Variants in MYT1L observed in about 807,000 individuals in gnomAD.
MYT1L encodes myelin transcription factor 1-like protein.
MYT1L carries 12 observed loss-of-function variants against 126.7 expected under a neutral mutation model. The observed-to-expected ratio is 0.09, with a 90% CI of 0.06 to 0.15. The LOEUF (loss-of-function observed/expected upper bound fraction) is 0.15. Among genes scored for constraint, MYT1L ranks in the 10% least tolerant of loss-of-function variants. The pLI is 1.00. For missense variants in MYT1L, 979 were observed against 1,585.2 expected (o/e 0.62, Z 6.49); for synonymous variants, 541 against 604.2 (o/e 0.90, Z 1.53).
At chr2:2,061,621 G>A (rs1182236259) in intron 3 of MYT1L, among the ~76,000 whole-genome samples, 1 of 152,096 alleles carries the variant, frequency 6.6e-6, no homozygotes, top group Non-Finnish European at 1.5e-5. Flanking sequence ...TTCCAAAGAT[G>A]AAACGCGTAA....
chr2:1,839,089 G>C (rs563031350), intron 21 of MYT1L, 60 bp downstream of exon 21: 3 of 1,459,678 alleles, frequency 2.1e-6, no homozygotes, highest in Non-Finnish European at 2.8e-6. Context: ...ATAACCAGCC[G>C]TGCCAGTCGG....
At chr2:1,913,032 G>A (rs187701695) in intron 11 of MYT1L, among the ~76,000 whole-genome samples, 2 of 152,324 alleles carry the variant, frequency 1.3e-5, no homozygotes, top group Admixed American at 6.5e-5. Flanking sequence ...GGCTTTCCCT[G>A]ACAGCAAGGT....
intron 3 of MYT1L, among the ~76,000 whole-genome samples, chr2:2,131,905 CT>C (rs58810405): frequency 0.024 from 2,654 of 111,002 alleles, 35 homozygotes; most frequent in African/African-American, 0.083. Context: ...AGAGTTCATC[CT>C]TTTTTTTTTT....
intron 2 of MYT1L, among the ~76,000 whole-genome samples, chr2:2,190,885 A>AAGTG (rs1326848965): frequency 1.4e-4 from 21 of 152,188 alleles, no homozygotes; most frequent in African/African-American, 4.8e-4. Flanking sequence ...TCCCAGGTTC[A>AAGTG]AGTGATTCTC....
At chr2:2,317,109 G>A (rs1200429339) in intron 1 of MYT1L, among the ~76,000 whole-genome samples, 1 of 152,030 alleles carries the variant, frequency 6.6e-6, no homozygotes, top group African/African-American at 2.4e-5. Context: ...GAGCCACCAT[G>A]CCCGGCCAGT....
chr2:1,842,781 T>G (rs4073540), intron 19 of MYT1L: 75,558 of 154,486 alleles, frequency 0.49, 21,100 homozygotes, highest in African/African-American at 0.77. Flanking sequence ...AAAGCCCCAG[T>G]CCAGCAGACC....
At position 1,912,014 on chromosome 2, in the gene MYT1L, G is replaced by T; in HGVS notation, c.1709+6C>A. The T allele has an allele frequency of 6.3e-7, 1 of 1,590,614 alleles. No individual in the cohort carries two copies. The highest frequency in any genetic ancestry group is 8.6e-7 in the Non-Finnish European group (1 of 1,164,690). ...CTCCCACACCAGTGACCCACGCGTG[G>T]CTTACCTTCGGTGGGAGTTCCTGTT... On this transcript the variant is annotated splice_donor_region_variant and intron_variant, in intron 12 of 24. Coordinates refer to ENST00000647738, the MANE Select transcript of MYT1L (RefSeq NM_001303052.2). The surrounding 1 kb of genome is among the most constrained non-coding windows in gnomAD (Gnocchi z 4.3).
chr2:2,217,821 AC>A (rs1302858292), intron 2 of MYT1L, among the ~76,000 whole-genome samples: 1 of 152,002 alleles, frequency 6.6e-6, no homozygotes, highest in Non-Finnish European at 1.5e-5. Context: ...TTTGTAAATC[AC>A]ATAAAGAGCT....
In MYT1L at chr2:1,903,364, A is replaced by G. The variant is rs1000288725; in HGVS notation, c.1818-70T>C. 5 of 1,231,334 alleles carry G rather than the reference A, an allele frequency of 4.1e-6. No homozygotes were observed. The African/African-American group carries it at 7.5e-5, about 19-fold the overall frequency. The allele number at this position is 1,231,334 out of a possible 1,614,324, so 76.3% of individuals were successfully genotyped here. A position where few individuals can be genotyped will look rare whatever the true frequency, so the allele number is the denominator to read the frequency against. On this transcript the variant is annotated intron_variant, in intron 13 of 24. Coordinates refer to ENST00000647738, the MANE Select transcript of MYT1L (RefSeq NM_001303052.2). ...CTTTGTACACGACGAGCTTCACATTAAAACTAGAATATCTTACTTTTTTAA... is the reference window on the plus strand; with the variant it reads ...CTTTGTACACGACGAGCTTCACATTGAAACTAGAATATCTTACTTTTTTAA...
At chr2:2,089,509 A>C (rs2076695373) in intron 3 of MYT1L, among the ~76,000 whole-genome samples, 1 of 152,212 alleles carries the variant, frequency 6.6e-6, no homozygotes, top group African/African-American at 2.4e-5. Context: ...GACTGTTGAG[A>C]GGTGGGATCT....
chr2:1,802,052 A>T (rs2034952284), intron 22 of MYT1L: 2 of 365,598 alleles, frequency 5.5e-6, no homozygotes, highest in Non-Finnish European at 9.8e-6. Context: ...AGGCACTTTG[A>T]GGGTCGAGCT....
At chr2:2,196,130 G>GA (rs150962596) in intron 2 of MYT1L, among the ~76,000 whole-genome samples, 34,344 of 151,714 alleles carry the variant, frequency 0.23, 4,767 homozygotes, top group African/African-American at 0.4. Flanking sequence ...CAAATATCAG[G>GA]AAAAAATTTT....
Position 2,071,413 on chromosome 2 carries a change from A to G in MYT1L, c.-303-17290T>C, listed in dbSNP as rs531837908. Among the ~76,000 whole-genome samples, 31 of 152,272 alleles carry G rather than the reference A, an allele frequency of 2.0e-4. 1 individual carries two copies. In the East Asian group the frequency reaches 5.6e-3, roughly 28 times the overall value. The stretch of plus-strand genomic sequence containing the variant: ...GGGAAAAAAGAGGAAACAAAATGTG[A>G]CTCTGTACTCACCAAGTTTACTGTC... On this transcript the variant is annotated intron_variant, in intron 3 of 24. Transcript: ENST00000647738.
At chr2:2,220,583 T>C (rs2093830488) in intron 2 of MYT1L, among the ~76,000 whole-genome samples, 2 of 152,096 alleles carry the variant, frequency 1.3e-5, no homozygotes, top group South Asian at 4.2e-4. Context: ...AAGAAAAAGA[T>C]CTTGTTATGT....
chr2:2,028,798 T>C (rs990424597), intron 4 of MYT1L, among the ~76,000 whole-genome samples: 4 of 152,118 alleles, frequency 2.6e-5, no homozygotes, highest in African/African-American at 9.7e-5. Context: ...GCACTTTATG[T>C]CTTCAAGGAT....
At chr2:2,232,804 G>A (rs2094192138) in intron 2 of MYT1L, among the ~76,000 whole-genome samples, 1 of 152,190 alleles carries the variant, frequency 6.6e-6, no homozygotes, top group African/African-American at 2.4e-5. Context: ...AAGAAGAGGT[G>A]GACTTCAGTT....
chr2:2,041,020 C>T (rs535493170), intron 4 of MYT1L, among the ~76,000 whole-genome samples: 1 of 152,236 alleles, frequency 6.6e-6, no homozygotes, highest in Admixed American at 6.5e-5. Context: ...TATTACACTG[C>T]CTTTTCTGGA....
At chr2:2,045,428 C>A (rs553027946) in intron 4 of MYT1L, among the ~76,000 whole-genome samples, 1 of 152,204 alleles carries the variant, frequency 6.6e-6, no homozygotes. Flanking sequence ...ATGCAGGGGC[C>A]AAAACTCCTG....
chr2:1,873,066 G>A (rs549852665), intron 18 of MYT1L, among the ~76,000 whole-genome samples: 11 of 152,274 alleles, frequency 7.2e-5, no homozygotes, highest in Middle Eastern at 3.4e-3. Context: ...TTTGCAGAGG[G>A]GCCATAGAAA....
Sources: allele counts gnomAD v4.1 joint callset (sites outside exome capture counted in the v4.1 genomes callset), GRCh38; gene constraint gnomAD v4.1.1; non-coding constraint Gnocchi (gnomAD v3.1); transcripts MANE v1.5; gene names NCBI Gene and HGNC (gene_info 2026-07-23, HGNC 2026-07-21).